RAB27A: variants seen among roughly 807,000 people sequenced by gnomAD.
The protein encoded by RAB27A is ras-related protein Rab-27A.
RAB27A carries 17 observed loss-of-function variants against 20.8 expected under a neutral mutation model. The ratio of observed to expected loss-of-function variants is 0.82; its 90% CI spans 0.56 to 1.23. RAB27A has a LOEUF of 1.23. Among genes scored for constraint, RAB27A ranks in the 50% most tolerant of loss-of-function variants. RAB27A has a pLI of 0.00. For missense variants in RAB27A, 277 were observed against 266.7 expected (o/e 1.04, Z -0.27); for synonymous variants, 85 against 92.8 (o/e 0.92, Z 0.48).
intron 2 of RAB27A, among the ~76,000 whole-genome samples, chr15:55,297,270 A>G (rs2054953283): frequency 6.6e-6 from 1 of 152,252 alleles, no homozygotes; most frequent in Non-Finnish European, 1.5e-5. Context: ...TGTGTCAAAG[A>G]AATACGTGCA....
chr15:55,227,861 G>A (rs1268600559), intron 5 of RAB27A, among the ~76,000 whole-genome samples: 2 of 152,182 alleles, frequency 1.3e-5, no homozygotes, highest in African/African-American at 4.8e-5. Context: ...GTGTTTTAAA[G>A]ATTTAGATGT....
chr15:55,310,428 C>A (rs2055015282), intron 2 of RAB27A, among the ~76,000 whole-genome samples: 1 of 152,218 alleles, frequency 6.6e-6, no homozygotes, highest in Non-Finnish European at 1.5e-5. Context: ...GCTTCTGACT[C>A]AGAGGACCTT....
In RAB27A at chr15:55,214,353, A is replaced by G. The variant is rs527429483; in HGVS notation, c.468-8648T>C. 2.9e-3 allele frequency among the ~76,000 whole-genome samples: 439 copies of G among 152,250 alleles called. 3 individuals carry two copies. Among genetic ancestry groups the G allele is most frequent in the African/African-American group, 7.8e-3 (326 of 41,558 alleles). On this transcript the variant is annotated intron_variant, in intron 6 of 6. Coordinates refer to ENST00000336787, the MANE Select transcript of RAB27A (RefSeq NM_183235.3). ...CGGGAGGCTGAGGCAGGAGGATGGC[A>G]TGAACCCAGGAGGTGGAGCTTGCTG...
At chr15:55,280,779 T>C (rs937164194) in intron 1 of RAB27A, among the ~76,000 whole-genome samples, 1 of 152,024 alleles carries the variant, frequency 6.6e-6, no homozygotes, top group Non-Finnish European at 1.5e-5. Context: ...GTCCTTGAGA[T>C]AGTTTGCTGA....
At chr15:55,224,098 G>C in intron 5 of RAB27A, 86 bp from the exon 6 acceptor site, 1 of 1,021,310 alleles carries the variant, frequency 9.8e-7, no homozygotes, top group East Asian at 2.7e-5. Flanking sequence ...GTGCTTTGAA[G>C]ACTATAATGT....
intron 2 of RAB27A, among the ~76,000 whole-genome samples, chr15:55,256,610 T>C (rs887758422): frequency 1.3e-5 from 2 of 152,204 alleles, no homozygotes; most frequent in Non-Finnish European, 2.9e-5. Flanking sequence ...TTTCAAAGGA[T>C]ACAAATGTGC....
intron 1 of RAB27A, among the ~76,000 whole-genome samples, chr15:55,314,704 C>G (rs576562767): frequency 6.6e-6 from 1 of 152,274 alleles, no homozygotes; most frequent in East Asian, 1.9e-4. Flanking sequence ...ATACAACTTA[C>G]AAGGGATGTG....
intron 1 of RAB27A, among the ~76,000 whole-genome samples, chr15:55,286,329 T>C (rs938363330): frequency 3.3e-5 from 5 of 152,164 alleles, no homozygotes; most frequent in Non-Finnish European, 7.4e-5. Flanking sequence ...CAAGGCAGAT[T>C]ACTGGCCATC....
At chr15:55,207,370 C>A (rs999308478) in intron 6 of RAB27A, among the ~76,000 whole-genome samples, 3 of 152,196 alleles carry the variant, frequency 2.0e-5, no homozygotes, top group Non-Finnish European at 4.4e-5. Flanking sequence ...TCAGCAATCC[C>A]TCAGTCCTTA....
chr15:55,248,369 T>C (rs1285183741), intron 2 of RAB27A, among the ~76,000 whole-genome samples: 1 of 152,158 alleles, frequency 6.6e-6, no homozygotes, highest in African/African-American at 2.4e-5. Context: ...CAAACTCCGG[T>C]TTGCATGTGC....
At chr15:55,273,792 T>C (rs527446713) in intron 1 of RAB27A, among the ~76,000 whole-genome samples, 2 of 152,164 alleles carry the variant, frequency 1.3e-5, no homozygotes, top group Non-Finnish European at 2.9e-5. Context: ...AACCATACAA[T>C]AATAGTAAGG....
intron 2 of RAB27A, among the ~76,000 whole-genome samples, chr15:55,301,394 C>T (rs988026755): frequency 6.6e-6 from 1 of 152,122 alleles, no homozygotes; most frequent in African/African-American, 2.4e-5. Context: ...ACTGCAGCTG[C>T]TAGTTTGGAT....
At chr15:55,280,786 C>G (rs895715491) in intron 1 of RAB27A, among the ~76,000 whole-genome samples, 2 of 151,848 alleles carry the variant, frequency 1.3e-5, no homozygotes, top group Non-Finnish European at 2.9e-5. Flanking sequence ...AGATAGTTTG[C>G]TGAGAATGAT....
intron 5 of RAB27A, among the ~76,000 whole-genome samples, chr15:55,224,936 T>G (rs1452153765): frequency 6.6e-6 from 1 of 152,178 alleles, no homozygotes; most frequent in Non-Finnish European, 1.5e-5. Context: ...TAGGCAGGTG[T>G]TTACTGAGCA....
rs142523466 is a variant in RAB27A at position 55,210,092 on chromosome 15, ATG to A, written c.468-4389_468-4388del. ...TGTACATATACATATATACACATAT[ATG>A]TGTGTATATATACACACATACACAT... On this transcript the variant is annotated intron_variant, in intron 6 of 6. Transcript: ENST00000336787. Among the ~76,000 whole-genome samples, 289 of 143,604 alleles carry A rather than the reference ATG, an allele frequency of 2.0e-3. 4 individuals are homozygous for A. The highest frequency in any genetic ancestry group is 7.0e-3 in the African/African-American group (268 of 38,498). The allele number at this position is 143,604 out of a possible 152,430, so 94.2% of individuals were successfully genotyped here.
chr15:55,230,840 C>G (rs1896003612), intron 3 of RAB27A, among the ~76,000 whole-genome samples: 1 of 151,938 alleles, frequency 6.6e-6, no homozygotes, highest in African/African-American at 2.4e-5. Context: ...GTTTGTTTAA[C>G]CAGGGGGTAC....
intron 6 of RAB27A, among the ~76,000 whole-genome samples, chr15:55,214,158 C>T (rs7176676): frequency 0.32 from 48,383 of 152,116 alleles, 11,402 homozygotes; most frequent in African/African-American, 0.67. Context: ...TGGTTGAGGC[C>T]GGGCGCGATG....
At chr15:55,268,595 A>G (rs1333524982) in intron 2 of RAB27A, among the ~76,000 whole-genome samples, 1 of 152,174 alleles carries the variant, frequency 6.6e-6, no homozygotes, top group East Asian at 1.9e-4. Context: ...AATGGAAGCA[A>G]TAAGTAAACA....
chr15:55,308,702 C>T (rs563887368), intron 2 of RAB27A, among the ~76,000 whole-genome samples: 9 of 152,322 alleles, frequency 5.9e-5, no homozygotes, highest in South Asian at 2.1e-4. Context: ...TGCACAAATG[C>T]GCAGTCGCAG....
Sources: gnomAD v4.1 joint callset for allele counts (sites outside exome capture counted in the v4.1 genomes callset) on GRCh38, gnomAD v4.1.1 for gene constraint, MANE v1.5 for transcripts, NCBI Gene and HGNC (gene_info 2026-07-23, HGNC 2026-07-21) for gene names.